B4GALNT3: variants seen among roughly 807,000 people sequenced by gnomAD.
B4GALNT3 encodes beta-1,4-N-acetylgalactosaminyltransferase 3.
B4GALNT3 carries 86 observed loss-of-function variants against 120.2 expected under a neutral mutation model. The ratio of observed to expected loss-of-function variants is 0.72; its 90% CI spans 0.60 to 0.86. B4GALNT3 has a LOEUF of 0.86. Ranked by LOEUF, B4GALNT3 falls within the 40% of genes least tolerant of loss-of-function variation. The pLI, the probability that B4GALNT3 is intolerant of heterozygous loss-of-function variation, is 0.00. For missense variants in B4GALNT3, 1,167 were observed against 1,298.9 expected, an observed-to-expected ratio of 0.90 and a Z score of 1.56; for synonymous variants, 518 against 510.4, an observed-to-expected ratio of 1.01 and a Z score of -0.20.
At chr12:480,956 C>T (rs1946237214) in intron 1 of B4GALNT3, among the ~76,000 whole-genome samples, 1 of 152,238 alleles carries the variant, frequency 6.6e-6, no homozygotes, top group Non-Finnish European at 1.5e-5. Flanking sequence ...TCCCTGCCTG[C>T]TCGGCAGCCA....
chr12:547,851 C>T (rs1044842921), intron 7 of B4GALNT3, among the ~76,000 whole-genome samples, 173 bp from the exon 8 acceptor site: 3 of 152,144 alleles, frequency 2.0e-5, no homozygotes, highest in Non-Finnish European at 1.5e-5. Context: ...AAACAGCTCA[C>T]ACTGTTAGCA....
chr12:511,345 CA>C (rs1946552409), intron 1 of B4GALNT3, among the ~76,000 whole-genome samples: 1 of 74,260 alleles, frequency 1.3e-5, no homozygotes, highest in African/African-American at 7.3e-5. Context: ...ACCTTCCTTC[CA>C]CCTTCCACCT....
rs551323894 is a variant in B4GALNT3, at chr12:543,077, C to T, written c.352-1262C>T. 1.1e-4 allele frequency: 135 copies of T among 1,273,808 alleles called. No individual in the cohort carries two copies. The South Asian group carries it at 1.4e-3, about 13-fold the overall frequency. 78.9% of individuals were successfully genotyped at this position (1,273,808 alleles called of 1,614,324 possible). A position where few individuals can be genotyped will look rare whatever the true frequency, so the allele number is the denominator to read the frequency against. ...GCTATTCTGTCACAACCATTGTCCC[C>T]GTTGCCTGGGGAATGAACACCAGCC... is the stretch of plus-strand genomic sequence containing the variant. On this transcript the variant is annotated intron_variant, in intron 3 of 19. Transcript: ENST00000266383.
At chr12:515,821 G>C (rs1185486263) in intron 1 of B4GALNT3, among the ~76,000 whole-genome samples, 1 of 152,012 alleles carries the variant, frequency 6.6e-6, no homozygotes, top group African/African-American at 2.4e-5. Flanking sequence ...TATGTGCTGG[G>C]CATAATGAAA....
chr12:505,139 G>T (rs1276404515), intron 1 of B4GALNT3, among the ~76,000 whole-genome samples: 1 of 152,174 alleles, frequency 6.6e-6, no homozygotes, highest in African/African-American at 2.4e-5. Flanking sequence ...TGATCTGCCT[G>T]CCTTGGCCTC....
At chr12:521,714 C>A (rs753614691) in intron 1 of B4GALNT3, among the ~76,000 whole-genome samples, 1 of 152,176 alleles carries the variant, frequency 6.6e-6, no homozygotes, top group Admixed American at 6.5e-5. Flanking sequence ...TCCACTGACA[C>A]GTTGATGTTG....
rs534300230 is a variant in B4GALNT3 at position 460,263 on chromosome 12, A to G, written c.-114A>G. 4,967 of 806,046 alleles carry G rather than the reference A, an allele frequency of 6.2e-3. 26 individuals carry two copies. The highest frequency in any genetic ancestry group is 0.015 in the South Asian group (269 of 17,826). 49.9% of individuals were successfully genotyped at this position (806,046 alleles called of 1,614,324 possible). A position where few individuals can be genotyped will look rare whatever the true frequency, so the allele number is the denominator to read the frequency against. Reference sequence around the variant, plus strand: ...CGGCCGGGAGAGACGGCCTCGGCGCAGCCCTGAGACGCTGGGCCGGGACGC... The same window carrying G: ...CGGCCGGGAGAGACGGCCTCGGCGCGGCCCTGAGACGCTGGGCCGGGACGC... On this transcript the variant is annotated 5_prime_UTR_variant, in exon 1 of 20. Coordinates refer to ENST00000266383, the MANE Select transcript of B4GALNT3 (RefSeq NM_173593.4). This position sits in a 1 kb window ranked among gnomAD's most constrained non-coding sequence, Gnocchi z 8.0.
chr12:482,425 G>C (rs1253671771), intron 1 of B4GALNT3, among the ~76,000 whole-genome samples: 1 of 152,220 alleles, frequency 6.6e-6, no homozygotes, highest in South Asian at 2.1e-4. Flanking sequence ...AGGAAACTGA[G>C]GCTGAAAGAG....
chr12:533,405 A>G (rs1045423562), intron 1 of B4GALNT3, among the ~76,000 whole-genome samples: 2 of 152,212 alleles, frequency 1.3e-5, no homozygotes, highest in Non-Finnish European at 2.9e-5. Flanking sequence ...CCAGCCTGGA[A>G]ACAGGAGAGA....
At chr12:524,108 G>C (rs774083807) in intron 1 of B4GALNT3, among the ~76,000 whole-genome samples, 4 of 152,090 alleles carry the variant, frequency 2.6e-5, no homozygotes, top group Non-Finnish European at 5.9e-5. Context: ...ATCCGTGGTG[G>C]GATGGTTGAC....
intron 1 of B4GALNT3, among the ~76,000 whole-genome samples, chr12:471,726 A>AATAG (rs1946138732): frequency 6.7e-6 from 1 of 149,522 alleles, no homozygotes; most frequent in African/African-American, 2.5e-5. Flanking sequence ...ATAAAAAATA[A>AATAG]ATAAATAAAT....
At chr12:519,866 C>T (rs1159544185) in intron 1 of B4GALNT3, among the ~76,000 whole-genome samples, 2 of 152,228 alleles carry the variant, frequency 1.3e-5, no homozygotes, top group Non-Finnish European at 2.9e-5. Context: ...CAGCGCTCGC[C>T]ATAACCCTTG....
intron 1 of B4GALNT3, among the ~76,000 whole-genome samples, chr12:532,367 C>T (rs572148211): frequency 6.6e-6 from 1 of 152,322 alleles, no homozygotes; most frequent in South Asian, 2.1e-4. Flanking sequence ...CTGCCTCTTA[C>T]CTTCTGTTAA....
chr12:471,832 A>G (rs890789226), intron 1 of B4GALNT3, among the ~76,000 whole-genome samples: 1 of 152,248 alleles, frequency 6.6e-6, no homozygotes, highest in Admixed American at 6.5e-5. Flanking sequence ...GGCTGCCAAT[A>G]TGTTAGCATC....
intron 1 of B4GALNT3, among the ~76,000 whole-genome samples, chr12:468,176 A>G (rs1946100241): frequency 6.6e-6 from 1 of 152,220 alleles, no homozygotes; most frequent in Non-Finnish European, 1.5e-5. Context: ...GCTATGGTAT[A>G]CATACAAATA....
rs1193500867 is a variant in B4GALNT3 at position 556,641 on chromosome 12, G to A, written c.2155G>A (p.Gly719Ser). ...YLLELELLEQ[G>S]QRVVRLSEYV... Reference sequence around the variant, plus strand: ...CCTGGAGCTTGAACTGTTGGAACAAGGCCAGCGCGTGGTGCGGCTCTCGGA... The same window carrying A: ...CCTGGAGCTTGAACTGTTGGAACAAAGCCAGCGCGTGGTGCGGCTCTCGGA... Residue 719 changes from glycine (G) to serine (S), a missense_variant, in exon 15 of 20, where the codon GGC becomes AGC. Transcript: ENST00000266383. 1 of 1,614,088 alleles carries A rather than the reference G, an allele frequency of 6.2e-7. No individual in the cohort carries two copies. Among genetic ancestry groups the A allele is most frequent in the Admixed American group, 1.7e-5 (1 of 60,030 alleles).
chr12:486,209 T>C (rs1468490809), intron 1 of B4GALNT3, among the ~76,000 whole-genome samples: 1 of 144,730 alleles, frequency 6.9e-6, no homozygotes, highest in African/African-American at 2.6e-5. Context: ...AATATTCTTT[T>C]TTTTTTTTTT....
intron 14 of B4GALNT3, among the ~76,000 whole-genome samples, chr12:554,744 T>A (rs1440860454): frequency 9.2e-6 from 1 of 108,314 alleles, no homozygotes; most frequent in Admixed American, 1.4e-4. Context: ...GAGCTGAGAT[T>A]GCGCCACTGC....
At chr12:465,764 C>G (rs1490804661) in intron 1 of B4GALNT3, among the ~76,000 whole-genome samples, 2 of 151,344 alleles carry the variant, frequency 1.3e-5, no homozygotes, top group Non-Finnish European at 2.9e-5. Flanking sequence ...CTGCCACTCC[C>G]TGTCCTGGGA....
Sources: gnomAD v4.1 joint callset for allele counts (sites outside exome capture counted in the v4.1 genomes callset) on GRCh38, gnomAD v4.1.1 for gene constraint, Gnocchi (gnomAD v3.1) non-coding constraint, MANE v1.5 for transcripts, NCBI Gene and HGNC (gene_info 2026-07-23, HGNC 2026-07-21) for gene names.